Variants in RBFOX1 observed in about 807,000 individuals in gnomAD.
RBFOX1 encodes the protein RNA binding fox-1 homolog 1.
In RBFOX1, 8 loss-of-function variants were observed where a neutral mutation model predicts 57.7. The observed-to-expected ratio is 0.14, with a 90% CI of 0.08 to 0.25. The LOEUF (loss-of-function observed/expected upper bound fraction) is 0.25, where lower values mean the gene tolerates loss of function less well. RBFOX1 is among the 10% of genes least tolerant of loss of function. The pLI is 1.00. For missense variants in RBFOX1, 611 were observed against 548.5 expected (o/e 1.11, Z -1.14); for synonymous variants, 326 against 222.4 (o/e 1.47, Z -4.15).
intron 4 of RBFOX1, among the ~76,000 whole-genome samples, chr16:7,257,387 C>A (rs1488989851): frequency 6.6e-6 from 1 of 152,156 alleles, no homozygotes; most frequent in Non-Finnish European, 1.5e-5. Context: ...GCCCCTCTAT[C>A]TTCCCTCTTT....
At chr16:6,944,298 G>A (rs183982341) in intron 3 of RBFOX1, among the ~76,000 whole-genome samples, 16 of 151,978 alleles carry the variant, frequency 1.1e-4, no homozygotes, top group Admixed American at 2.0e-4. Context: ...AGGAGGCTGA[G>A]GCAGGAGAAT....
rs570929080 is a variant in RBFOX1 at position 6,233,834 on chromosome 16, C to T, written c.-126-83161C>T. 3.3e-5 allele frequency among the ~76,000 whole-genome samples: 5 copies of T among 152,290 alleles called. No individual in the cohort carries two copies. The East Asian group carries it at 7.7e-4, about 24-fold the overall frequency. On this transcript the variant is annotated intron_variant, in intron 1 of 15. Coordinates refer to ENST00000550418, the MANE Select transcript of RBFOX1 (RefSeq NM_018723.4). ...TCTGTCACTAAATGTGGTTCACTCT[C>T]TCTGGAACTTTCCTAAACCATTTTA...
intron 1 of RBFOX1, among the ~76,000 whole-genome samples, chr16:6,113,935 T>G (rs9302817): frequency 0.29 from 44,705 of 152,090 alleles, 8,210 homozygotes; most frequent in African/African-American, 0.5. Flanking sequence ...GATCTGATAC[T>G]CTAGGGCTGG....
intron 3 of RBFOX1, chr16:6,704,530 T>G (rs372599656): frequency 6.6e-6 from 1 of 152,226 alleles, no homozygotes; most frequent in South Asian, 2.1e-4. Flanking sequence ...TACACCCCCC[T>G]TGGGTCTGGA....
intron 1 of RBFOX1, among the ~76,000 whole-genome samples, chr16:6,167,969 A>G (rs1422828767): frequency 6.6e-6 from 1 of 152,174 alleles, no homozygotes; most frequent in Non-Finnish European, 1.5e-5. Flanking sequence ...CCATGGCAAA[A>G]TCCAATTATA....
chr16:5,598,871 C>A (rs1187347990), intron 2 of RBFOX1: 2 of 1,465,996 alleles, frequency 1.4e-6, no homozygotes, highest in East Asian at 2.5e-5. Context: ...GCTTCCCCAA[C>A]CTTTTTCTCT....
At position 5,587,703 on chromosome 16, in the gene RBFOX1, ACT is replaced by A. The variant is rs1232577417; in HGVS notation, c.259-11196_259-11195del. ...ACTCCAGCCTGGGCGACAGAGCGAG[ACT>A]CTGTCTCGAAAAAGTCAGATAATTT... On this transcript the variant is annotated intron_variant, in intron 2 of 2. Coordinates refer to the RBFOX1 transcript ENST00000585867. 2.0e-5 allele frequency among the ~76,000 whole-genome samples: 3 copies of A among 152,046 alleles called. No individual in the cohort carries two copies. In the Admixed American group the frequency reaches 2.0e-4, roughly 10 times the overall value.
chr16:6,089,661 CG>C (rs1248752558), intron 1 of RBFOX1, among the ~76,000 whole-genome samples: 1 of 152,038 alleles, frequency 6.6e-6, no homozygotes, highest in Non-Finnish European at 1.5e-5. Flanking sequence ...TACCTGAGTA[CG>C]GGGTCAGGTG....
chr16:6,298,815 T>C (rs2078446201), intron 1 of RBFOX1, among the ~76,000 whole-genome samples: 1 of 152,214 alleles, frequency 6.6e-6, no homozygotes. Flanking sequence ...CAATCTGATA[T>C]TTAAATGGAT....
intron 3 of RBFOX1, among the ~76,000 whole-genome samples, chr16:5,795,393 T>C (rs1597286933): frequency 1.3e-5 from 2 of 152,202 alleles, no homozygotes; most frequent in South Asian, 2.1e-4. Flanking sequence ...TGTGTCAATC[T>C]TCTGGGCTCA....
At chr16:5,935,421 C>G (rs948991368) in intron 4 of RBFOX1, among the ~76,000 whole-genome samples, 2 of 152,108 alleles carry the variant, frequency 1.3e-5, no homozygotes, top group South Asian at 2.1e-4. Context: ...AGGTAGGCAG[C>G]ATAAGGAGAT....
At chr16:6,203,069 C>T (rs1255011757) in intron 1 of RBFOX1, among the ~76,000 whole-genome samples, 3 of 151,994 alleles carry the variant, frequency 2.0e-5, no homozygotes, top group African/African-American at 7.3e-5. Flanking sequence ...AGCCACCGTG[C>T]CCAGCTTAAT....
intron 3 of RBFOX1, among the ~76,000 whole-genome samples, chr16:5,715,560 C>T (rs2051664785): frequency 2.0e-5 from 3 of 152,144 alleles, no homozygotes; most frequent in African/African-American, 7.2e-5. Context: ...TTTGTCTTGC[C>T]AGTGCTCAGG....
intron 3 of RBFOX1, among the ~76,000 whole-genome samples, chr16:6,927,152 C>G (rs73543220): frequency 0.066 from 10,046 of 151,948 alleles, 1,109 homozygotes; most frequent in African/African-American, 0.23. Context: ...GGTCCCCACC[C>G]TCAGAAGTTC....
At chr16:7,464,788 C>T (rs961462325) in intron 4 of RBFOX1, among the ~76,000 whole-genome samples, 1 of 148,742 alleles carries the variant, frequency 6.7e-6, no homozygotes, top group Non-Finnish European at 1.5e-5. Flanking sequence ...GCTCCGCCTC[C>T]CAGGTTCACG....
At chr16:5,276,131 G>A (rs1405854654) in intron 1 of RBFOX1, among the ~76,000 whole-genome samples, 1 of 152,068 alleles carries the variant, frequency 6.6e-6, no homozygotes, top group African/African-American at 2.4e-5. Flanking sequence ...TAGGCAAACA[G>A]TTCATAACCA....
chr16:6,663,921 A>G (rs1395492954), intron 3 of RBFOX1, among the ~76,000 whole-genome samples: 1 of 152,208 alleles, frequency 6.6e-6, no homozygotes, highest in Non-Finnish European at 1.5e-5. Context: ...CAGCAGTGGG[A>G]AAAGTGGCTA....
intron 2 of RBFOX1, among the ~76,000 whole-genome samples, chr16:6,432,063 C>T (rs550750844): frequency 5.9e-5 from 9 of 151,978 alleles, no homozygotes; most frequent in East Asian, 5.9e-4. Flanking sequence ...CTGAGTTCAA[C>T]GGAACCTCCT....
rs144035280 is a variant in RBFOX1, at chr16:7,251,529, G to C, written c.27+199431G>C. 7.6e-3 allele frequency among the ~76,000 whole-genome samples: 1,153 copies of C among 151,154 alleles called. 6 individuals are homozygous for C. Among genetic ancestry groups the C allele is most frequent in the Non-Finnish European group, 0.011 (717 of 67,894 alleles). On this transcript the variant is annotated intron_variant, in intron 4 of 15. Transcript: ENST00000550418. ...GGGTTCAAGTGATTTTCCTGCCTCA[G>C]ACTCCCAAGTAGCTGGGATTACACG...
Sources: gnomAD v4.1 joint callset for allele counts (sites outside exome capture counted in the v4.1 genomes callset) on GRCh38, gnomAD v4.1.1 for gene constraint, MANE v1.5 for transcripts, NCBI Gene and HGNC (gene_info 2026-07-23, HGNC 2026-07-21) for gene names.